Variants in P4HA3 observed in about 807,000 individuals in gnomAD.
The protein encoded by P4HA3 is prolyl 4-hydroxylase subunit alpha-3.
A neutral mutation model predicts 66.7 loss-of-function variants in P4HA3; 60 were observed. The ratio of observed to expected loss-of-function variants is 0.90; its 90% CI spans 0.73 to 1.12. The LOEUF (loss-of-function observed/expected upper bound fraction) is 1.12, where lower values mean the gene tolerates loss of function less well. Among genes scored for constraint, P4HA3 ranks in the 50% most tolerant of loss-of-function variants. P4HA3 has a pLI of 0.00. For missense variants in P4HA3, 683 were observed against 685.8 expected (o/e 1.00, Z 0.05); for synonymous variants, 263 against 274.6 (o/e 0.96, Z 0.42).
chr11:74,256,115 G>A (rs1859824925), intron 15 of P4HA3, among the ~76,000 whole-genome samples: 1 of 152,166 alleles, frequency 6.6e-6, no homozygotes, highest in Admixed American at 6.5e-5. Context: ...TCCTTTTACA[G>A]GTAGGCAGAC....
chr11:74,304,564 C>A, intron 1 of P4HA3, 152 bp from the exon 2 acceptor site: 1 of 875,110 alleles, frequency 1.1e-6, no homozygotes, highest in Non-Finnish European at 1.7e-6. Context: ...GCCATGCAAG[C>A]CCAAAGAATA....
rs771373482 is a variant in P4HA3, at chr11:74,289,136, A to T, written c.718-6T>A. 3 of 240,954 alleles carry T rather than the reference A, an allele frequency of 1.2e-5. No homozygotes were observed. The highest frequency in any genetic ancestry group is 1.4e-5 in the Non-Finnish European group (2 of 144,872). The allele number at this position is 240,954 out of a possible 1,614,324, so 14.9% of individuals were successfully genotyped here. On this transcript the variant is annotated splice_region_variant and splice_polypyrimidine_tract_variant and intron_variant, in intron 4 of 12. Transcript: ENST00000331597. Reference sequence around the variant, plus strand: ...GCACACGAAACATTTCCTGCCTGTTAAAAAAAAAAAAAAGAAAAGAAAGCA... The same window carrying T: ...GCACACGAAACATTTCCTGCCTGTTTAAAAAAAAAAAAAGAAAAGAAAGCA...
chr11:74,271,902 G>A (rs993357910), intron 10 of P4HA3, among the ~76,000 whole-genome samples: 5 of 152,088 alleles, frequency 3.3e-5, no homozygotes, highest in Admixed American at 6.5e-5. Flanking sequence ...TCCCCTTTAT[G>A]ATACCCTTTC....
chr11:74,311,476 G>A lies in P4HA3; in HGVS notation c.136C>T (p.Arg46Trp), dbSNP rs1176080816. 2.0e-6 allele frequency: 3 copies of A among 1,533,766 alleles called. No individual in the cohort carries two copies. Among genetic ancestry groups the A allele is most frequent in the African/African-American group, 2.8e-5 (2 of 71,652 alleles). The change falls in exon 1 of 13, where the codon CGG (arginine) becomes TGG (tryptophan). Residue 46 changes from arginine (R) to tryptophan (W), a missense_variant. Coordinates refer to ENST00000331597, the MANE Select transcript of P4HA3 (RefSeq NM_182904.5). ...TACCGCCTCAGCAGCCCCAGCAGCC[G>A]GCGCTCGGGCGCCAGGGCGCGCGCC... Reference protein sequence around the residue: ...SVARALAPERRLLGLLRRYLR... With the variant: ...SVARALAPERWLLGLLRRYLR...
At chr11:74,263,385 A>AC (rs1005099012), downstream of P4HA3, among the ~76,000 whole-genome samples, 9 of 151,820 alleles carry the variant, frequency 5.9e-5, no homozygotes, top group Middle Eastern at 3.4e-3. Context: ...AATGTTGGAG[A>AC]CCCCCCCTGC....
chr11:74,285,723 T>A (rs1356333816), intron 7 of P4HA3, 86 bp downstream of exon 7: 12 of 1,387,980 alleles, frequency 8.6e-6, no homozygotes, highest in Admixed American at 2.0e-5. Flanking sequence ...GGTGTCTAGT[T>A]GTTCAGGTTG....
intron 3 of P4HA3, among the ~76,000 whole-genome samples, chr11:74,301,706 C>T (rs1003949143): frequency 3.9e-5 from 6 of 152,066 alleles, no homozygotes; most frequent in Admixed American, 6.6e-5. Flanking sequence ...AATGATCTCA[C>T]GTGTGATTAC....
In P4HA3 at chr11:74,289,147, A is replaced by G. The variant is rs752258436; in HGVS notation, c.718-17T>C. ...ATTTCCTGCCTGTTAAAAAAAAAAA[A>G]AAGAAAAGAAAGCATTAACTTCACT... On this transcript the variant is annotated splice_polypyrimidine_tract_variant and intron_variant, in intron 4 of 12. Transcript: ENST00000331597. The G allele has an allele frequency of 6.4e-7, 1 of 1,565,214 alleles. No homozygotes were observed. Among genetic ancestry groups the G allele is most frequent in the Non-Finnish European group, 8.6e-7 (1 of 1,156,994 alleles).
intron 15 of P4HA3, among the ~76,000 whole-genome samples, chr11:74,252,223 G>A (rs115044074): frequency 0.015 from 2,127 of 144,954 alleles, 32 homozygotes; most frequent in African/African-American, 0.042. Flanking sequence ...GTACGCCACC[G>A]TACCCGGCTA....
At chr11:74,256,605 T>C (rs1859835661) in intron 15 of P4HA3, among the ~76,000 whole-genome samples, 1 of 152,102 alleles carries the variant, frequency 6.6e-6, no homozygotes, top group Non-Finnish European at 1.5e-5. Context: ...CATAACAGTG[T>C]CCTTGCAGAG....
rs757171964 is a variant in P4HA3 at position 74,289,097 on chromosome 11, G to A, written c.751C>T (p.Arg251Trp). Residue 251 changes from arginine (R) to tryptophan (W), a missense_variant, in exon 5 of 13, where the codon CGG becomes TGG. Coordinates refer to ENST00000331597, the MANE Select transcript of P4HA3 (RefSeq NM_182904.5). ...GNVSCALSLS[R>W]EFLLYSPDNK... ...TACGTACTGTAGAGAAGAAACTCCC[G>A]AGAGAGGCTGAGGGCACACGAAACA... The A allele has an allele frequency of 2.8e-5, 44 of 1,577,502 alleles. 2 individuals carry two copies. The African/African-American group carries it at 3.1e-4, about 11-fold the overall frequency.
intron 15 of P4HA3, chr11:74,255,890 C>G (rs1591078220): frequency 2.0e-6 from 1 of 510,358 alleles, no homozygotes; most frequent in Non-Finnish European, 3.9e-6. Context: ...GAGAGAAGTT[C>G]CTTATGTGTG....
chr11:74,294,156 T>C (rs982117489), intron 4 of P4HA3, among the ~76,000 whole-genome samples: 1 of 152,236 alleles, frequency 6.6e-6, no homozygotes, highest in African/African-American at 2.4e-5. Context: ...CTTTTTATTC[T>C]TTTTTCTCTA....
intron 15 of P4HA3, among the ~76,000 whole-genome samples, chr11:74,255,250 C>A (rs975349686): frequency 2.0e-5 from 3 of 152,212 alleles, no homozygotes; most frequent in Non-Finnish European, 4.4e-5. Flanking sequence ...CAGTGAATGA[C>A]TTCTCTTACA....
intron 15 of P4HA3, among the ~76,000 whole-genome samples, chr11:74,252,247 T>G (rs972165763): frequency 7.4e-5 from 11 of 147,984 alleles, no homozygotes; most frequent in South Asian, 2.1e-4. Flanking sequence ...TTGTTTTTTT[T>G]TTTGTTTTTT....
rs1439256834 is a variant in P4HA3, at chr11:74,267,141, G to A, written c.*107C>T. ...GCGAGGCACAGACAAAGCTGACAAGGCCTTCTTCCAGGAGGCTGCTCTGCT... is the reference window on the plus strand; with the variant it reads ...GCGAGGCACAGACAAAGCTGACAAGACCTTCTTCCAGGAGGCTGCTCTGCT... On this transcript the variant is annotated 3_prime_UTR_variant, in exon 13 of 13. Transcript: ENST00000331597. The A allele has an allele frequency of 1.3e-6, 2 of 1,571,902 alleles. No individual in the cohort carries two copies. Among genetic ancestry groups the A allele is most frequent in the Non-Finnish European group, 1.7e-6 (2 of 1,161,684 alleles).
intron 15 of P4HA3, among the ~76,000 whole-genome samples, chr11:74,257,359 G>C (rs530341412): frequency 6.6e-6 from 1 of 152,022 alleles, no homozygotes; most frequent in Non-Finnish European, 1.5e-5. Context: ...TCCTGACCTC[G>C]AGTGATCTGC....
intron 4 of P4HA3, among the ~76,000 whole-genome samples, chr11:74,295,109 C>T (rs78726216): frequency 0.04 from 6,128 of 152,234 alleles, 130 homozygotes; most frequent in Middle Eastern, 0.11. Context: ...CATGTAATTG[C>T]GGGGCGTTGT....
chr11:74,266,830 T>C lies in P4HA3; in HGVS notation c.*418A>G. The C allele has an allele frequency of 1.7e-6, 1 of 585,028 alleles. No homozygotes were observed. The highest frequency in any genetic ancestry group is 3.4e-5 in the Admixed American group (1 of 29,592). 36.2% of individuals were successfully genotyped at this position (585,028 alleles called of 1,614,324 possible). On this transcript the variant is annotated 3_prime_UTR_variant, in exon 13 of 13. Transcript: ENST00000331597. ...AGCAGAAGGCAGTGGGGAGAAAGTC[T>C]TAAAGTTCTGGGAGTCAGGCTAGCC... is the stretch of plus-strand genomic sequence containing the variant.
Sources: allele counts gnomAD v4.1 joint callset (sites outside exome capture counted in the v4.1 genomes callset), GRCh38; gene constraint gnomAD v4.1.1; transcripts MANE v1.5; gene names NCBI Gene and HGNC (gene_info 2026-07-23, HGNC 2026-07-21).